The following KMT5B variants were observed in gnomAD, a reference collection of about 807,000 sequenced individuals.
KMT5B encodes histone-lysine N-methyltransferase KMT5B.
Under a neutral mutation model 83.2 loss-of-function variants are expected in KMT5B, and 10 were observed. The ratio of observed to expected loss-of-function variants is 0.12; its 90% confidence interval spans 0.07 to 0.20. The LOEUF (loss-of-function observed/expected upper bound fraction) is 0.20, where lower values mean the gene tolerates loss of function less well. Among genes scored for constraint, KMT5B ranks in the 10% least tolerant of loss-of-function variants. The pLI is 1.00. For missense variants in KMT5B, 753 were observed against 1,067.2 expected (o/e 0.71, Z 4.10); for synonymous variants, 349 against 388.8 (o/e 0.90, Z 1.20).
intron 1 of KMT5B, among the ~76,000 whole-genome samples, chr11:68,209,020 C>T (rs1253628485): frequency 6.6e-6 from 1 of 152,154 alleles, no homozygotes; most frequent in Non-Finnish European, 1.5e-5. Context: ...GCCACTGGCT[C>T]ACTGGCTGAA....
At chr11:68,176,875 G>GA (rs1244774638) in intron 4 of KMT5B, among the ~76,000 whole-genome samples, 1 of 152,028 alleles carries the variant, frequency 6.6e-6, no homozygotes, top group African/African-American at 2.4e-5. Context: ...TGGTTCAGGA[G>GA]AAAAAAATCT....
intron 3 of KMT5B, among the ~76,000 whole-genome samples, chr11:68,181,391 A>C (rs1396510204): frequency 6.6e-6 from 1 of 152,210 alleles, no homozygotes; most frequent in Non-Finnish European, 1.5e-5. Context: ...TACTGTTTCT[A>C]AACATTCTTC....
chr11:68,177,790 T>C (rs373387887), intron 4 of KMT5B, among the ~76,000 whole-genome samples: 12 of 152,302 alleles, frequency 7.9e-5, no homozygotes, highest in African/African-American at 2.9e-4. Context: ...TGTCGACATA[T>C]GGTGTCAGAG....
intron 3 of KMT5B, 133 bp downstream of exon 3, chr11:68,185,648 C>G: frequency 1.2e-6 from 1 of 803,484 alleles, no homozygotes; most frequent in Non-Finnish European, 1.9e-6. Flanking sequence ...GGCTCACAGA[C>G]AGAAAACCCT....
intron 10 of KMT5B, 134 bp from the exon 11 acceptor site, chr11:68,159,305 T>G: frequency 3.1e-6 from 4 of 1,271,500 alleles, no homozygotes; most frequent in African/African-American, 3.0e-5. Context: ...CTGCTGCAGA[T>G]TCTGCCAGCG....
intron 1 of KMT5B, 76 bp downstream of exon 1, chr11:68,213,062 C>G (rs1420225108): frequency 1.5e-5 from 2 of 136,306 alleles, no homozygotes; most frequent in Non-Finnish European, 3.2e-5. Flanking sequence ...CCGCGGTCCC[C>G]CACGTCCCTG....
intron 4 of KMT5B, chr11:68,179,899 G>A: frequency 4.1e-6 from 2 of 493,386 alleles, no homozygotes. Context: ...TAATCACATG[G>A]AGTGACTCCT....
At chr11:68,189,826 G>A (rs1463258729) in intron 2 of KMT5B, 91 bp downstream of exon 2, 3 of 1,298,428 alleles carry the variant, frequency 2.3e-6, no homozygotes, top group Non-Finnish European at 1.0e-6. Flanking sequence ...AATTATTTAA[G>A]ACAAAAGAAA....
intron 1 of KMT5B, among the ~76,000 whole-genome samples, chr11:68,199,518 C>T (rs1859152860): frequency 6.6e-6 from 1 of 152,094 alleles, no homozygotes; most frequent in South Asian, 2.1e-4. Flanking sequence ...GAGGCTGCCA[C>T]AGGGAAGAAG....
intron 2 of KMT5B, among the ~76,000 whole-genome samples, chr11:68,189,164 G>T (rs1857765175): frequency 1.3e-5 from 2 of 152,186 alleles, no homozygotes; most frequent in African/African-American, 2.4e-5. Context: ...GATATTCAAA[G>T]GTGGCTAGAT....
At chr11:68,197,828 T>G (rs551661182) in intron 1 of KMT5B, among the ~76,000 whole-genome samples, 2 of 152,354 alleles carry the variant, frequency 1.3e-5, no homozygotes, top group South Asian at 4.1e-4. Context: ...CAGGTCCATA[T>G]GATAAAAGCT....
At chr11:68,162,212 T>C (rs1166648668) in intron 10 of KMT5B, among the ~76,000 whole-genome samples, 2 of 152,310 alleles carry the variant, frequency 1.3e-5, no homozygotes, top group Non-Finnish European at 2.9e-5. Context: ...AACAATCCGT[T>C]TACCACCACA....
chr11:68,212,731 C>G, intron 1 of KMT5B: 1 of 152,190 alleles, frequency 6.6e-6, no homozygotes, highest in East Asian at 1.9e-4. Context: ...CCGAAATGCG[C>G]TCGGGCCAAA....
chr11:68,163,992 C>T (rs10896298), intron 10 of KMT5B, among the ~76,000 whole-genome samples: 80,901 of 151,876 alleles, frequency 0.53, 21,791 homozygotes, highest in South Asian at 0.68. Flanking sequence ...CTTCACAGAC[C>T]GCTCGCGAGC....
chr11:68,158,667 G>C lies in KMT5B; in HGVS notation c.1679C>G (p.Thr560Arg). The C allele has an allele frequency of 6.2e-7, 1 of 1,614,096 alleles. No homozygotes were observed. Among genetic ancestry groups the C allele is most frequent in the South Asian group, 1.1e-5 (1 of 91,070 alleles). Residue 560 changes from threonine to arginine, a missense_variant, in exon 11 of 11, where the codon ACG becomes AGG. Coordinates refer to ENST00000304363, the MANE Select transcript of KMT5B (RefSeq NM_017635.5). ...EASDIKLEPNTLNGYKSSVTE... is the reference protein window; with the variant it reads ...EASDIKLEPNRLNGYKSSVTE... ...CACACTGCTTTTATAGCCATTCAAC[G>C]TATTTGGTTCAAGCTTGATGTCAGA...
rs76705836 is a variant in KMT5B, at chr11:68,180,110, G to A, written c.377+22C>T. 9.0e-4 allele frequency: 1,410 copies of A among 1,571,278 alleles called. 22 individuals carry two copies. The East Asian group carries it at 0.026, about 29-fold the overall frequency. On this transcript the variant is annotated intron_variant, in intron 4 of 10. Transcript: ENST00000304363. ...AGAATGGGTTAGTCAGTATCTCATTGTTTTTAACACACACTACCTACCTCA... is the reference window on the plus strand; with the variant it reads ...AGAATGGGTTAGTCAGTATCTCATTATTTTTAACACACACTACCTACCTCA...
intron 10 of KMT5B, chr11:68,165,832 CT>C: frequency 3.7e-6 from 6 of 1,611,472 alleles, no homozygotes; most frequent in Non-Finnish European, 5.1e-6. Flanking sequence ...TACAGCGCTG[CT>C]TTTATGCTAC....
intron 1 of KMT5B, among the ~76,000 whole-genome samples, chr11:68,207,832 T>C (rs1026429790): frequency 2.1e-5 from 3 of 146,284 alleles, no homozygotes; most frequent in Non-Finnish European, 3.0e-5. Flanking sequence ...CACAGAATAA[T>C]GACCCAAACA....
chr11:68,158,410 T>C lies in KMT5B; in HGVS notation c.1936A>G (p.Met646Val). Residue 646 changes from methionine (M) to valine (V), a missense_variant, in exon 11 of 11, where the codon ATG becomes GTG. By Grantham distance (21) the Met-to-Val change is conservative (BLOSUM62 1). This residue lies in a region of KMT5B where 397 missense variants were observed against 395.9 expected (regional missense o/e 1.00). Transcript: ENST00000304363. ...PGKDDAVPDL[M>V]GPHSDQGEHS... ...TCACCCTGGTCAGAATGGGGACCCA[T>C]CAAATCTGGTACCGCGTCGTCTTTT... 6.2e-7 allele frequency: 1 copy of C among 1,614,110 alleles called. No homozygotes were observed. Among genetic ancestry groups the C allele is most frequent in the Non-Finnish European group, 8.5e-7 (1 of 1,179,980 alleles).
Sources: gnomAD v4.1 joint callset for allele counts (sites outside exome capture counted in the v4.1 genomes callset) on GRCh38, gnomAD v4.1.1 for gene constraint, gnomAD v4.1.1 regional missense constraint, MANE v1.5 for transcripts, NCBI Gene and HGNC (gene_info 2026-07-23, HGNC 2026-07-21) for gene names.